The following RARA variants were observed in gnomAD, a reference collection of about 807,000 sequenced individuals.
The protein encoded by RARA is retinoic acid receptor alpha, also known as PML-DDX5-RARA fusion.
RARA carries 5 observed loss-of-function variants against 42.8 expected under a neutral mutation model. That is an observed-to-expected ratio of 0.12 (90% CI 0.06 to 0.25). The LOEUF is 0.25. Among genes scored for constraint, RARA ranks in the 10% least tolerant of loss-of-function variants. The pLI, the probability that RARA is intolerant of heterozygous loss-of-function variation, is 1.00. For synonymous variants in RARA, 256 were observed against 259.5 expected (o/e 0.99, Z 0.13); for missense variants, 402 against 628.7 (o/e 0.64, Z 3.86).
intron 2 of RARA, among the ~76,000 whole-genome samples, chr17:40,333,720 T>G (rs2033766384): frequency 6.6e-6 from 1 of 152,060 alleles, no homozygotes; most frequent in Non-Finnish European, 1.5e-5. Context: ...CAGTGCAGGC[T>G]TGAACTCTTG....
rs1167201135 is a variant in RARA at position 40,326,108 on chromosome 17, G to T, written c.-362-4749G>T. ...CTCCATCCGAGGGAAGCAGACCCTG[G>T]GAAATGGGTAATTCTCCCTCCTGGC... On this transcript the variant is annotated intron_variant, in intron 1 of 8. Transcript: ENST00000254066. The surrounding 1 kb of genome is among the most constrained non-coding windows in gnomAD (Gnocchi z 5.2). Among the ~76,000 whole-genome samples, 1 of 152,208 alleles carries T rather than the reference G, an allele frequency of 6.6e-6. No homozygotes were observed. Among genetic ancestry groups the T allele is most frequent in the African/African-American group, 2.4e-5 (1 of 41,442 alleles).
chr17:40,342,617 C>G, intron 2 of RARA: 1 of 1,511,886 alleles, frequency 6.6e-7, no homozygotes, highest in Non-Finnish European at 8.8e-7. Flanking sequence ...TCTCCCCCAG[C>G]TGCTCTGCTC....
chr17:40,347,265 A>G (rs182636367), intron 2 of RARA, among the ~76,000 whole-genome samples: 15 of 152,168 alleles, frequency 9.9e-5, no homozygotes, highest in Non-Finnish European at 1.8e-4. Context: ...GCCCTGGACA[A>G]GAGAACTTGA....
At chr17:40,311,398 C>G (rs765349614) in intron 1 of RARA, among the ~76,000 whole-genome samples, 3 of 152,044 alleles carry the variant, frequency 2.0e-5, no homozygotes, top group Non-Finnish European at 4.4e-5. Flanking sequence ...GGAAACACAC[C>G]AAGGTCCTCA....
At position 40,355,206 on chromosome 17, in the gene RARA, G is replaced by T. The variant is rs1877746297; in HGVS notation, c.1013-57G>T. The T allele has an allele frequency of 1.3e-6, 2 of 1,506,368 alleles. No individual in the cohort carries two copies. Among genetic ancestry groups the T allele is most frequent in the South Asian group, 2.5e-5 (2 of 80,760 alleles). 93.3% of individuals were successfully genotyped at this position (1,506,368 alleles called of 1,614,324 possible). On this transcript the variant is annotated intron_variant, in intron 7 of 8. Coordinates refer to ENST00000254066, the MANE Select transcript of RARA (RefSeq NM_000964.4). The surrounding 1 kb of genome is among the most constrained non-coding windows in gnomAD (Gnocchi z 4.1). ...TGGGCAGGCACGCCCCCCGGTGGCC[G>T]AGGCTGGGGGTGCAGCTGTGTTCCC...
rs200194993 is a variant in RARA at position 40,354,820 on chromosome 17, C to T, written c.1012+314C>T. On this transcript the variant is annotated intron_variant, in intron 7 of 8. Coordinates refer to ENST00000254066, the MANE Select transcript of RARA (RefSeq NM_000964.4). The surrounding 1 kb of genome is among the most constrained non-coding windows in gnomAD (Gnocchi z 4.5). ...CGTTTCTGTACAGTGGGGGCGGTAA[C>T]GGTCTCTAGCTCATGAAGTTGATGG... Among the ~76,000 whole-genome samples the T allele has an allele frequency of 3.0e-4, 46 of 152,290 alleles. No homozygotes were observed. In the East Asian group the frequency reaches 8.9e-3, roughly 29 times the overall value.
Position 40,355,511 on chromosome 17 carries a change from G to GCCCTGTCGT in RARA, c.1171+90_1171+91insCCCTGTCGT. ...CCAGCACCCCATGTCTTTGTGCCAGGACAATACGACACCTGTCCCCATCTG... is the reference window on the plus strand; with the variant it reads ...CCAGCACCCCATGTCTTTGTGCCAGGCCCTGTCGTACAATACGACACCTGTCCCCATCTG... On this transcript the variant is annotated intron_variant, in intron 8 of 8. Transcript: ENST00000254066. This position sits in a 1 kb window ranked among gnomAD's most constrained non-coding sequence, Gnocchi z 4.1. 6.8e-7 allele frequency: 1 copy of GCCCTGTCGT among 1,464,010 alleles called. No individual in the cohort carries two copies. Among genetic ancestry groups the GCCCTGTCGT allele is most frequent in the South Asian group, 1.3e-5 (1 of 74,412 alleles). The allele number at this position is 1,464,010 out of a possible 1,614,324, so 90.7% of individuals were successfully genotyped here.
At chr17:40,324,045 C>A (rs897284752) in intron 1 of RARA, among the ~76,000 whole-genome samples, 1 of 152,010 alleles carries the variant, frequency 6.6e-6, no homozygotes, top group East Asian at 1.9e-4. Flanking sequence ...AGCTGTCCCC[C>A]CATTGTGAGA....
intron 1 of RARA, among the ~76,000 whole-genome samples, chr17:40,328,264 G>C (rs966180175): frequency 1.3e-5 from 2 of 152,158 alleles, no homozygotes; most frequent in African/African-American, 4.8e-5. Flanking sequence ...CTGGACTCCA[G>C]ATTTGAGGCT....
In RARA at chr17:40,357,027, C is replaced by G. The variant is rs2034655551; in HGVS notation, c.*801C>G. On this transcript the variant is annotated 3_prime_UTR_variant, in exon 9 of 9. Transcript: ENST00000254066. Reference sequence around the variant, plus strand: ...TCCCTCCCACTGGAGAAGCCGCCAGCCCCTTTCTCCCTCTGCCTGACCACT... The same window carrying G: ...TCCCTCCCACTGGAGAAGCCGCCAGGCCCTTTCTCCCTCTGCCTGACCACT... The G allele has an allele frequency of 2.6e-6, 1 of 387,564 alleles. No individual in the cohort carries two copies. The highest frequency in any genetic ancestry group is 4.8e-6 in the Non-Finnish European group (1 of 209,066). The allele number at this position is 387,564 out of a possible 1,614,324, so 24.0% of individuals were successfully genotyped here.
At chr17:40,342,265 G>T (rs928792046) in intron 2 of RARA, 15 of 1,061,376 alleles carry the variant, frequency 1.4e-5, no homozygotes, top group Non-Finnish European at 1.7e-5. Flanking sequence ...TCGCCACGGA[G>T]AATCCCTGGA....
intron 2 of RARA, chr17:40,342,157 G>GA: frequency 9.5e-7 from 1 of 1,050,128 alleles, no homozygotes; most frequent in African/African-American, 1.7e-5. Flanking sequence ...GGGGTGGGGG[G>GA]GCCGTGGCGC....
At chr17:40,313,133 C>T (rs2033128396) in intron 1 of RARA, among the ~76,000 whole-genome samples, 1 of 152,162 alleles carries the variant, frequency 6.6e-6, no homozygotes, top group Non-Finnish European at 1.5e-5. Context: ...GCTGGACAGG[C>T]TCCAGCAGGC....
Position 40,354,435 on chromosome 17 carries a change from A to G in RARA, c.941A>G (p.Asn314Ser), listed in dbSNP as rs2034547530. The change falls in exon 7 of 9, where the codon AAC becomes AGC. Residue 314 changes from asparagine to serine, a missense_variant. Around this residue, in one of 5 missense-constraint regions of RARA, gnomAD observed 104 missense variants for 160.1 expected, o/e 0.65. Transcript: ENST00000254066. This position sits in a 1 kb window ranked among gnomAD's most constrained non-coding sequence, Gnocchi z 4.5. ...PLTDLVFAFA[N>S]QLLPLEMDDA... ...ACCGACCTGGTCTTTGCCTTCGCCA[A>G]CCAGCTGCTGCCCCTGGAGATGGAT... The G allele has an allele frequency of 6.2e-7, 1 of 1,612,632 alleles. No individual in the cohort carries two copies. The highest frequency in any genetic ancestry group is 8.5e-7 in the Non-Finnish European group (1 of 1,179,246).
intron 2 of RARA, chr17:40,341,172 A>G: frequency 2.0e-6 from 1 of 492,418 alleles, no homozygotes; most frequent in Non-Finnish European, 3.3e-6. Context: ...GGCTTCTAGG[A>G]TGAAGTAGTC....
In RARA at chr17:40,356,847, C is replaced by G; in HGVS notation, c.*621C>G. On this transcript the variant is annotated 3_prime_UTR_variant, in exon 9 of 9. Transcript: ENST00000254066. ...GTATTGGGGGGAGCTGGATCCAGAG[C>G]TGGAGGGGGTGGGTCCGGGGGAGGG... The G allele has an allele frequency of 8.7e-6, 2 of 230,266 alleles. No homozygotes were observed. Among genetic ancestry groups the G allele is most frequent in the Non-Finnish European group, 8.2e-6 (1 of 121,760 alleles). The allele number at this position is 230,266 out of a possible 1,614,324, so 14.3% of individuals were successfully genotyped here. A position where few individuals can be genotyped will look rare whatever the true frequency, so the allele number is the denominator to read the frequency against.
Position 40,351,192 on chromosome 17 carries a change from T to A in RARA, c.470-718T>A, listed in dbSNP as rs971556141. Reference sequence around the variant, plus strand: ...GAATTTGCAGAATCGACATGAGTGATCTCCAAATTATGCCAGCTACCCCCA... The same window carrying A: ...GAATTTGCAGAATCGACATGAGTGAACTCCAAATTATGCCAGCTACCCCCA... On this transcript the variant is annotated intron_variant, in intron 4 of 8. Coordinates refer to ENST00000254066, the MANE Select transcript of RARA (RefSeq NM_000964.4). The surrounding 1 kb of genome is among the most constrained non-coding windows in gnomAD (Gnocchi z 4.1). Among the ~76,000 whole-genome samples the A allele has an allele frequency of 6.6e-6, 1 of 150,862 alleles. No individual in the cohort carries two copies. Among genetic ancestry groups the A allele is most frequent in the Non-Finnish European group, 1.5e-5 (1 of 67,782 alleles).
Position 40,351,225 on chromosome 17 carries a change from A to C in RARA, c.470-685A>C, listed in dbSNP as rs1410249359. ...TTATGCCAGCTACCCCCACCTCGCT[A>C]CCCCCTCCCTGAGCCCCTCCCCCAC... On this transcript the variant is annotated intron_variant, in intron 4 of 8. Transcript: ENST00000254066. The surrounding 1 kb of genome is among the most constrained non-coding windows in gnomAD (Gnocchi z 4.1). Among the ~76,000 whole-genome samples, 18 of 133,984 alleles carry C rather than the reference A, an allele frequency of 1.3e-4. No homozygotes were observed. The highest frequency in any genetic ancestry group is 3.0e-4 in the Admixed American group (4 of 13,360). The allele number at this position is 133,984 out of a possible 152,430, so 87.9% of individuals were successfully genotyped here. A position where few individuals can be genotyped will look rare whatever the true frequency, so the allele number is the denominator to read the frequency against.
At chr17:40,343,875 G>A (rs1044801557) in intron 2 of RARA, among the ~76,000 whole-genome samples, 1 of 152,192 alleles carries the variant, frequency 6.6e-6, no homozygotes, top group Non-Finnish European at 1.5e-5. Flanking sequence ...TCAGGAGCTC[G>A]GAGCACCAGG....
Sources: gnomAD v4.1 joint callset for allele counts (sites outside exome capture counted in the v4.1 genomes callset) on GRCh38, gnomAD v4.1.1 for gene constraint, gnomAD v4.1.1 regional missense constraint, Gnocchi (gnomAD v3.1) non-coding constraint, MANE v1.5 for transcripts, NCBI Gene and HGNC (gene_info 2026-07-23, HGNC 2026-07-21) for gene names.